PIP5K1B: variants seen among roughly 807,000 people sequenced by gnomAD.
PIP5K1B encodes the protein phosphatidylinositol-4-phosphate 5-kinase type 1 beta.
A neutral mutation model predicts 67.0 loss-of-function variants in PIP5K1B; 42 were observed. That is an observed-to-expected ratio of 0.63 (90% CI 0.49 to 0.81). The LOEUF (loss-of-function observed/expected upper bound fraction) is 0.81. Ranked by LOEUF, PIP5K1B falls within the 30% of genes least tolerant of loss-of-function variation. PIP5K1B has a pLI of 0.00. For missense variants in PIP5K1B, 459 were observed against 646.3 expected (o/e 0.71, Z 3.14); for synonymous variants, 214 against 231.4 (o/e 0.92, Z 0.68).
Position 68,894,321 on chromosome 9 carries a change from T to A in PIP5K1B, c.472-18T>A. 1 of 1,468,796 alleles carries A rather than the reference T, an allele frequency of 6.8e-7. No homozygotes were observed. The highest frequency in any genetic ancestry group is 9.4e-7 in the Non-Finnish European group (1 of 1,064,654). The allele number at this position is 1,468,796 out of a possible 1,614,324, so 91.0% of individuals were successfully genotyped here. ...AAATAGAAGATTGTAAATATATTTT[T>A]CTTTTTTTGGTTTCTAGAATTTAAA... On this transcript the variant is annotated intron_variant, in intron 7 of 15. Transcript: ENST00000265382.
At chr9:68,711,935 C>T (rs1827413991) in intron 1 of PIP5K1B, among the ~76,000 whole-genome samples, 1 of 152,188 alleles carries the variant, frequency 6.6e-6, no homozygotes, top group Non-Finnish European at 1.5e-5. Context: ...CTCCTGGCGA[C>T]TTTTCTGTTC....
intron 2 of PIP5K1B, among the ~76,000 whole-genome samples, chr9:68,804,910 T>A (rs1832787300): frequency 6.6e-6 from 1 of 152,200 alleles, no homozygotes; most frequent in Non-Finnish European, 1.5e-5. Flanking sequence ...AAAGGAGTGT[T>A]TCATATGCAT....
intron 8 of PIP5K1B, among the ~76,000 whole-genome samples, chr9:68,916,922 GA>G (rs1265539229): frequency 6.6e-6 from 1 of 151,314 alleles, no homozygotes; most frequent in East Asian, 1.9e-4. Context: ...TAACTTCCAA[GA>G]AGTTTATGAG....
At chr9:68,795,544 A>G (rs533168921) in intron 2 of PIP5K1B, among the ~76,000 whole-genome samples, 3 of 152,340 alleles carry the variant, frequency 2.0e-5, no homozygotes, top group Non-Finnish European at 2.9e-5. Flanking sequence ...AACTTAGTGA[A>G]TGTTTATTAA....
chr9:68,861,070 A>G (rs1355937116), intron 4 of PIP5K1B, among the ~76,000 whole-genome samples: 4 of 152,256 alleles, frequency 2.6e-5, no homozygotes, highest in African/African-American at 9.6e-5. Flanking sequence ...GTTATTATTC[A>G]TATATCAAGT....
At chr9:68,836,898 T>C (rs1233951342) in intron 4 of PIP5K1B, among the ~76,000 whole-genome samples, 10 of 152,014 alleles carry the variant, frequency 6.6e-5, no homozygotes, top group Admixed American at 6.6e-4. Context: ...CAAAGCAGAG[T>C]CTGGTCAAAT....
chr9:68,953,664 A>C (rs1828216888), intron 14 of PIP5K1B, among the ~76,000 whole-genome samples: 3 of 152,066 alleles, frequency 2.0e-5, no homozygotes, highest in African/African-American at 7.3e-5. Context: ...AAAAAAAATT[A>C]AAATTAGCCA....
In PIP5K1B at chr9:68,972,605, C is replaced by T. The variant is rs150777836; in HGVS notation, c.1503-18535C>T. On this transcript the variant is annotated intron_variant, in intron 14 of 15. Coordinates refer to ENST00000265382, the MANE Select transcript of PIP5K1B (RefSeq NM_003558.4). ...GTAGTGAGCTAAGATCATACCACTA[C>T]ACTCCATCCTGAGCGACAGAGCAAG... 3.8e-3 allele frequency among the ~76,000 whole-genome samples: 577 copies of T among 152,248 alleles called. 4 individuals carry two copies. The highest frequency in any genetic ancestry group is 0.013 in the African/African-American group (543 of 41,532).
intron 6 of PIP5K1B, among the ~76,000 whole-genome samples, chr9:68,880,852 G>T (rs1486197177): frequency 6.6e-6 from 1 of 152,152 alleles, no homozygotes; most frequent in Non-Finnish European, 1.5e-5. Context: ...GACACCTGCA[G>T]CACAGGACTG....
chr9:68,714,099 A>G (rs1306386114), intron 1 of PIP5K1B, among the ~76,000 whole-genome samples: 1 of 152,250 alleles, frequency 6.6e-6, no homozygotes, highest in Non-Finnish European at 1.5e-5. Context: ...AAAGGAGAAC[A>G]TAAGCGAATC....
chr9:69,006,518 C>T (rs11144743), intron 15 of PIP5K1B, among the ~76,000 whole-genome samples: 14,325 of 152,204 alleles, frequency 0.094, 902 homozygotes, highest in East Asian at 0.36. Flanking sequence ...TCAGCAATAC[C>T]GGGACTAAAC....
chr9:69,004,325 G>T (rs1830962233), intron 15 of PIP5K1B, among the ~76,000 whole-genome samples: 1 of 112,720 alleles, frequency 8.9e-6, no homozygotes, highest in Admixed American at 9.8e-5. Context: ...GTGGGCGTGT[G>T]TGTGTGTGTT....
rs67326015 is a variant in PIP5K1B at position 68,854,027 on chromosome 9, T to TTTATTA, written c.70-9788_70-9783dup. Among the ~76,000 whole-genome samples the TTTATTA allele has an allele frequency of 5.9e-3, 866 of 147,928 alleles. 5 individuals carry two copies. Among genetic ancestry groups the TTTATTA allele is most frequent in the Non-Finnish European group, 8.5e-3 (568 of 67,172 alleles). ...TGGCTACCAAAAGCATATATAAGTTTTTATTATTATTATTATTATTATTAT... is the reference window on the plus strand; with the variant it reads ...TGGCTACCAAAAGCATATATAAGTTTTTATTATTATTATTATTATTATTATTATTAT... On this transcript the variant is annotated intron_variant, in intron 4 of 15. Transcript: ENST00000265382.
chr9:68,709,761 T>A (rs1355418915), intron 1 of PIP5K1B, among the ~76,000 whole-genome samples: 1 of 152,002 alleles, frequency 6.6e-6, no homozygotes, highest in Non-Finnish European at 1.5e-5. Flanking sequence ...AAATAAAAAA[T>A]TAGCTGGGTA....
chr9:68,749,373 G>A (rs1356148916), intron 2 of PIP5K1B, among the ~76,000 whole-genome samples: 1 of 152,206 alleles, frequency 6.6e-6, no homozygotes, highest in African/African-American at 2.4e-5. Flanking sequence ...GGAACTGGAA[G>A]GGGCGAGGGA....
chr9:68,836,033 A>C (rs1834589861), intron 4 of PIP5K1B, among the ~76,000 whole-genome samples: 1 of 152,102 alleles, frequency 6.6e-6, no homozygotes. Flanking sequence ...GGCAGAAGCA[A>C]GTGCCACCCT....
chr9:68,706,463 C>T (rs987442472), intron 1 of PIP5K1B, among the ~76,000 whole-genome samples: 1 of 151,880 alleles, frequency 6.6e-6, no homozygotes, highest in Non-Finnish European at 1.5e-5. Context: ...CATTTCTTAT[C>T]CCCCCCAACC....
At chr9:68,732,933 G>T (rs573369804) in intron 1 of PIP5K1B, among the ~76,000 whole-genome samples, 1 of 151,278 alleles carries the variant, frequency 6.6e-6, no homozygotes, top group African/African-American at 2.4e-5. Flanking sequence ...GGGGCGGCGC[G>T]GTGGGAGATG....
intron 4 of PIP5K1B, among the ~76,000 whole-genome samples, chr9:68,839,601 T>C (rs1209114794): frequency 1.3e-5 from 2 of 152,234 alleles, no homozygotes; most frequent in Non-Finnish European, 1.5e-5. Context: ...CTTTTCTATG[T>C]TCTTGGCAAA....
Sources: allele counts gnomAD v4.1 joint callset (sites outside exome capture counted in the v4.1 genomes callset), GRCh38; gene constraint gnomAD v4.1.1; transcripts MANE v1.5; gene names NCBI Gene and HGNC (gene_info 2026-07-23, HGNC 2026-07-21).